The following PPP2R3C variants were observed in gnomAD, a reference collection of about 807,000 sequenced individuals.
The protein encoded by PPP2R3C is protein phosphatase 2 regulatory subunit B''gamma.
In PPP2R3C, 47 loss-of-function variants were observed where a neutral mutation model predicts 63.7. The observed-to-expected ratio is 0.74, with a 90% CI of 0.58 to 0.94. The LOEUF (loss-of-function observed/expected upper bound fraction) is 0.94, where lower values mean the gene tolerates loss of function less well. PPP2R3C is among the 40% of genes least tolerant of loss of function. PPP2R3C has a pLI of 0.00. For synonymous variants in PPP2R3C, 180 were observed against 177.4 expected, an observed-to-expected ratio of 1.01 and a Z score of -0.12; for missense variants, 421 against 518.4, an observed-to-expected ratio of 0.81 and a Z score of 1.82.
chr14:35,103,994 A>T (rs1049864351), intron 6 of PPP2R3C, among the ~76,000 whole-genome samples: 3 of 152,206 alleles, frequency 2.0e-5, no homozygotes, highest in Non-Finnish European at 4.4e-5. Flanking sequence ...CAACTATAGA[A>T]GTACACTGTT....
Position 35,116,738 on chromosome 14 carries a change from CT to C in PPP2R3C, c.59-2del. On this transcript the variant is annotated splice_acceptor_variant, in intron 1 of 12. Transcript: ENST00000261475. LOFTEE classifies it high-confidence loss of function. ...TTTAATTCTTGTTCACTTTTTTTTT[CT>C]GGTAACAAAACAGATTAAGGGGAGC... 6.4e-7 allele frequency: 1 copy of C among 1,562,632 alleles called. No homozygotes were observed. The highest frequency in any genetic ancestry group is 8.7e-7 in the Non-Finnish European group (1 of 1,151,136).
At chr14:35,096,514 G>A in intron 9 of PPP2R3C, 44 bp downstream of exon 9, 1 of 1,553,864 alleles carries the variant, frequency 6.4e-7, no homozygotes, top group Non-Finnish European at 8.9e-7. Context: ...CCAATTTCCT[G>A]AAGAATGGAT....
intron 11 of PPP2R3C, 30 bp downstream of exon 11, chr14:35,091,040 C>A: frequency 6.3e-7 from 1 of 1,575,408 alleles, no homozygotes. Flanking sequence ...TCTTAAGGAA[C>A]AATGACTCAC....
In PPP2R3C at chr14:35,095,180, C is replaced by G; in HGVS notation, c.843G>C (p.Gln281His). ...TGTGATCTTTATCAAGATTCAAGTA[C>G]TGGCCTTGGGAAGAAAAATAATAAA... Reference protein sequence around the residue: ...SAPSALRVYGQYLNLDKDHNG... With the variant: ...SAPSALRVYGHYLNLDKDHNG... Residue 281 changes from glutamine (Q) to histidine (H), a missense_variant, in exon 10 of 13, where the codon CAG becomes CAC. Around this residue, in one of 3 missense-constraint regions of PPP2R3C, gnomAD observed 231 missense variants for 264.8 expected, o/e 0.87. Coordinates refer to ENST00000261475, the MANE Select transcript of PPP2R3C (RefSeq NM_017917.4). The G allele has an allele frequency of 6.2e-6, 10 of 1,613,110 alleles. No individual in the cohort carries two copies. The highest frequency in any genetic ancestry group is 7.6e-6 in the Non-Finnish European group (9 of 1,179,470).
chr14:35,086,114 A>G, intron 12 of PPP2R3C: 1 of 195,278 alleles, frequency 5.1e-6, no homozygotes, highest in Non-Finnish European at 1.0e-5. Context: ...GTGTTCAGGG[A>G]CTGCACGTTA....
At position 35,110,573 on chromosome 14, in the gene PPP2R3C, G is replaced by C; in HGVS notation, c.243C>G (p.Val81=). Residue 81 remains valine, a synonymous_variant, in exon 3 of 13, where the codon GTC becomes GTG. Transcript: ENST00000261475. ...LQKLREESRA[V]FLQRKSRELL... ...GTTCTCTGCTTTTTCTTTGTAGAAA[G>C]ACAGCTCTTGATTCCTCTCTTAATT... 6.2e-7 allele frequency: 1 copy of C among 1,612,542 alleles called. No individual in the cohort carries two copies. The highest frequency in any genetic ancestry group is 8.5e-7 in the Non-Finnish European group (1 of 1,179,522).
At chr14:35,096,826 A>T (rs2046014015) in intron 7 of PPP2R3C, 62 bp from the exon 8 acceptor site, 9 of 1,362,958 alleles carry the variant, frequency 6.6e-6, no homozygotes, top group East Asian at 5.1e-5. Flanking sequence ...TCAATTAATT[A>T]AAAAAAAATT....
In PPP2R3C at chr14:35,088,718, T is replaced by C. The variant is rs536163982; in HGVS notation, c.1114-708A>G. Among the ~76,000 whole-genome samples the C allele has an allele frequency of 6.6e-5, 10 of 152,318 alleles. No individual in the cohort carries two copies. The South Asian group carries it at 1.9e-3, about 28-fold the overall frequency. Reference sequence around the variant, plus strand: ...CATGCTCTGTTAATATAGTAATAGATGGTATGATCTAGAGTGAATCATCCA... The same window carrying C: ...CATGCTCTGTTAATATAGTAATAGACGGTATGATCTAGAGTGAATCATCCA... On this transcript the variant is annotated intron_variant, in intron 11 of 12. Coordinates refer to ENST00000261475, the MANE Select transcript of PPP2R3C (RefSeq NM_017917.4).
chr14:35,110,381 T>C (rs2046511685), intron 3 of PPP2R3C, 144 bp downstream of exon 3: 3 of 578,312 alleles, frequency 5.2e-6, no homozygotes, highest in Non-Finnish European at 6.0e-6. Flanking sequence ...CAGCGGCTGC[T>C]TCTGGTGGGA....
chr14:35,110,822 C>A lies in PPP2R3C; in HGVS notation c.187-193G>T, dbSNP rs2046530962. On this transcript the variant is annotated intron_variant, in intron 2 of 12. Coordinates refer to ENST00000261475, the MANE Select transcript of PPP2R3C (RefSeq NM_017917.4). ...GTGATCAGAAAGGCTGGATCTCTGC[C>A]CTGAAAAAGCCATTCTAAAAGCTAG... is the stretch of plus-strand genomic sequence containing the variant. 1.7e-5 allele frequency: 9 copies of A among 518,160 alleles called. 1 individual carries two copies. Among genetic ancestry groups the A allele is most frequent in the Admixed American group, 1.1e-4 (3 of 27,108 alleles). The allele number at this position is 518,160 out of a possible 1,614,324, so 32.1% of individuals were successfully genotyped here.
intron 1 of PPP2R3C, among the ~76,000 whole-genome samples, chr14:35,119,468 G>A (rs1288955953): frequency 3.3e-5 from 5 of 152,062 alleles, no homozygotes; most frequent in Admixed American, 3.3e-4. Flanking sequence ...CTCTCGAGTA[G>A]CTAGGACTAC....
intron 4 of PPP2R3C, 47 bp downstream of exon 4, chr14:35,109,772 A>T (rs1236729352): frequency 1.4e-6 from 2 of 1,447,590 alleles, no homozygotes; most frequent in African/African-American, 2.8e-5. Flanking sequence ...TGAGGCATTT[A>T]AAATGCTTAA....
intron 1 of PPP2R3C, chr14:35,116,987 C>T: frequency 2.3e-6 from 1 of 430,944 alleles, no homozygotes; most frequent in Non-Finnish European, 4.6e-6. Context: ...ATCGCTAAAG[C>T]TAGTCTCTTC....
rs1336395523 is a variant in PPP2R3C at position 35,095,168 on chromosome 14, A to AG, written c.854_855insC (p.Asp286Ter). On this transcript the variant is annotated frameshift_variant, in exon 10 of 13. Transcript: ENST00000261475. LOFTEE classifies it high-confidence loss of function. ...TGAGCATGCCATTGTGATCTTTATC[A>AG]AGATTCAAGTACTGGCCTTGGGAAG... The AG allele has an allele frequency of 3.1e-6, 5 of 1,613,662 alleles. No homozygotes were observed. The highest frequency in any genetic ancestry group is 4.2e-6 in the Non-Finnish European group (5 of 1,179,698).
chr14:35,089,389 C>T (rs1181784438), intron 11 of PPP2R3C, among the ~76,000 whole-genome samples: 5 of 152,172 alleles, frequency 3.3e-5, no homozygotes, highest in South Asian at 4.2e-4. Flanking sequence ...GAAGCATGAG[C>T]GACCACGCCT....
intron 2 of PPP2R3C, 48 bp downstream of exon 2, chr14:35,116,562 A>G (rs759955465): frequency 2.8e-6 from 4 of 1,445,860 alleles, no homozygotes; most frequent in East Asian, 2.6e-5. Context: ...GCCAAAAATT[A>G]TATTTCATTT....
rs201196060 is a variant in PPP2R3C at position 35,096,255 on chromosome 14, C to T, written c.838+303G>A. Among the ~76,000 whole-genome samples, 3 of 151,760 alleles carry T rather than the reference C, an allele frequency of 2.0e-5. No homozygotes were observed. The East Asian group carries it at 5.8e-4, about 29-fold the overall frequency. Reference sequence around the variant, plus strand: ...GGTGGTGGGGTGGGTGGGGTAGGGGCACTGAGGTGAGAGGATTGAGCCTAG... The same window carrying T: ...GGTGGTGGGGTGGGTGGGGTAGGGGTACTGAGGTGAGAGGATTGAGCCTAG... On this transcript the variant is annotated intron_variant, in intron 9 of 12. Transcript: ENST00000261475.
Position 35,108,353 on chromosome 14 carries a change from A to G in PPP2R3C, c.405-117T>C, listed in dbSNP as rs923578674. ...AATTAAAAATGAAAGAACAATAGAG[A>G]CTCCTTATAATTCAAAAACTTAAAA... On this transcript the variant is annotated intron_variant, in intron 4 of 12. Transcript: ENST00000261475. The G allele has an allele frequency of 6.5e-6, 8 of 1,229,086 alleles. No individual in the cohort carries two copies. In the African/African-American group the frequency reaches 1.3e-4, roughly 20 times the overall value. 76.1% of individuals were successfully genotyped at this position (1,229,086 alleles called of 1,614,324 possible). A position where few individuals can be genotyped will look rare whatever the true frequency, so the allele number is the denominator to read the frequency against.
intron 2 of PPP2R3C, chr14:35,112,984 T>G (rs1271843658): frequency 1.3e-5 from 2 of 152,284 alleles, no homozygotes; most frequent in African/African-American, 4.8e-5. Flanking sequence ...CTCAAATGTA[T>G]TTGATTGATG....
Sources: gnomAD v4.1 joint callset for allele counts (sites outside exome capture counted in the v4.1 genomes callset) on GRCh38, gnomAD v4.1.1 for gene constraint, gnomAD v4.1.1 regional missense constraint, MANE v1.5 for transcripts, NCBI Gene and HGNC (gene_info 2026-07-23, HGNC 2026-07-21) for gene names.